The following IQCM variants were observed in gnomAD, a reference collection of about 807,000 sequenced individuals.
IQCM encodes IQ motif containing M.
In IQCM, 45 loss-of-function variants were observed where a neutral mutation model predicts 57.6. The ratio of observed to expected loss-of-function variants is 0.78; its 90% CI spans 0.62 to 1.00. The LOEUF (loss-of-function observed/expected upper bound fraction) is 1.00, where lower values mean the gene tolerates loss of function less well. Among genes scored for constraint, IQCM ranks in the 50% least tolerant of loss-of-function variants. The pLI, the probability that IQCM is intolerant of heterozygous loss-of-function variation, is 0.00. For synonymous variants in IQCM, 148 were observed against 158.9 expected (o/e 0.93, Z 0.51); for missense variants, 468 against 511.6 (o/e 0.91, Z 0.82).
At chr4:149,670,934 T>TTC (rs778405380) in intron 7 of IQCM, among the ~76,000 whole-genome samples, 108 of 135,078 alleles carry the variant, frequency 8.0e-4, no homozygotes, top group Non-Finnish European at 1.5e-3. Context: ...TGGTCTAAAA[T>TTC]TCTCTCTTTT....
chr4:149,632,988 C>T (rs1757403564), intron 7 of IQCM, among the ~76,000 whole-genome samples: 2 of 150,396 alleles, frequency 1.3e-5, no homozygotes, highest in Admixed American at 6.6e-5. Context: ...GGTGAAACCC[C>T]GTCTCTACTA....
At chr4:149,512,976 C>T (rs931344067) in intron 12 of IQCM, among the ~76,000 whole-genome samples, 3 of 152,044 alleles carry the variant, frequency 2.0e-5, no homozygotes, top group African/African-American at 7.2e-5. Context: ...ATATAAATAA[C>T]CAAGCTGTGT....
At chr4:149,390,249 T>C (rs1262183968) in intron 13 of IQCM, among the ~76,000 whole-genome samples, 5 of 152,044 alleles carry the variant, frequency 3.3e-5, no homozygotes, top group Non-Finnish European at 5.9e-5. Context: ...TTAATTTTGT[T>C]GTTTAATTAC....
At chr4:149,578,905 T>A (rs1004902107) in intron 9 of IQCM, among the ~76,000 whole-genome samples, 1 of 151,812 alleles carries the variant, frequency 6.6e-6, no homozygotes, top group African/African-American at 2.4e-5. Context: ...TAACCTGGAT[T>A]AGAGAGAGAT....
At chr4:149,456,039 T>C (rs1737666577) in intron 12 of IQCM, among the ~76,000 whole-genome samples, 1 of 151,976 alleles carries the variant, frequency 6.6e-6, no homozygotes, top group Non-Finnish European at 1.5e-5. Flanking sequence ...GTTAGGTTCA[T>C]GGCTGAGATC....
At chr4:149,704,873 G>A (rs1440302092) in intron 5 of IQCM, among the ~76,000 whole-genome samples, 1 of 151,756 alleles carries the variant, frequency 6.6e-6, no homozygotes, top group Non-Finnish European at 1.5e-5. Flanking sequence ...GTCAAATAAA[G>A]CAAAAAGGCA....
At chr4:149,739,135 G>C (rs1405387466) in intron 3 of IQCM, among the ~76,000 whole-genome samples, 7 of 152,000 alleles carry the variant, frequency 4.6e-5, no homozygotes, top group Admixed American at 1.3e-4. Context: ...TCTTTATTAT[G>C]AAAACTATAC....
chr4:149,422,223 T>C (rs1019061227), intron 13 of IQCM, among the ~76,000 whole-genome samples: 2 of 151,886 alleles, frequency 1.3e-5, no homozygotes, highest in Non-Finnish European at 2.9e-5. Flanking sequence ...CTACTTAATA[T>C]GTGTAGTTGG....
chr4:149,565,312 C>T (rs1475806786), intron 9 of IQCM, among the ~76,000 whole-genome samples: 1 of 151,990 alleles, frequency 6.6e-6, no homozygotes, highest in Non-Finnish European at 1.5e-5. Flanking sequence ...ATTCTTAAGT[C>T]TTGTTCTGTT....
At chr4:149,522,211 C>T (rs1394769560) in intron 12 of IQCM, among the ~76,000 whole-genome samples, 1 of 152,182 alleles carries the variant, frequency 6.6e-6, no homozygotes, top group African/African-American at 2.4e-5. Flanking sequence ...CAGCCAGTCC[C>T]TGCCAATTCA....
intron 2 of IQCM, among the ~76,000 whole-genome samples, chr4:149,810,930 A>G (rs1261536640): frequency 6.6e-6 from 1 of 152,124 alleles, no homozygotes; most frequent in Admixed American, 6.5e-5. Flanking sequence ...ATATCTGCCA[A>G]TTAAACACTC....
intron 2 of IQCM, among the ~76,000 whole-genome samples, chr4:149,789,398 T>G (rs1772368849): frequency 6.6e-6 from 1 of 152,232 alleles, no homozygotes; most frequent in Non-Finnish European, 1.5e-5. Context: ...GTACCCCCAA[T>G]TCCTTCCAGT....
chr4:149,720,990 TC>T (rs1245144781), intron 5 of IQCM, among the ~76,000 whole-genome samples: 2 of 152,212 alleles, frequency 1.3e-5, no homozygotes, highest in African/African-American at 4.8e-5. Flanking sequence ...CTTAAATTCT[TC>T]CGAGTAATTT....
intron 13 of IQCM, among the ~76,000 whole-genome samples, chr4:149,356,249 T>C (rs1234015700): frequency 2.0e-5 from 3 of 152,222 alleles, no homozygotes; most frequent in African/African-American, 7.2e-5. Context: ...TTTAGTTTAA[T>C]TAGATCCCAT....
At chr4:149,527,452 G>A (rs6813728) in intron 12 of IQCM, among the ~76,000 whole-genome samples, 2,043 of 152,290 alleles carry the variant, frequency 0.013, 24 homozygotes, top group Middle Eastern at 0.031. Context: ...TGCCATGTGA[G>A]GATGCAGCAA....
At chr4:149,552,254 A>C (rs1749108233) in intron 11 of IQCM, among the ~76,000 whole-genome samples, 1 of 152,182 alleles carries the variant, frequency 6.6e-6, no homozygotes, top group Non-Finnish European at 1.5e-5. Flanking sequence ...TTTACTGATA[A>C]ATATAACAGA....
intron 10 of IQCM, among the ~76,000 whole-genome samples, chr4:149,561,159 A>C (rs1258111495): frequency 1.3e-5 from 2 of 152,222 alleles, no homozygotes; most frequent in African/African-American, 4.8e-5. Context: ...AATCTACTTT[A>C]TATTGGCTCT....
intron 2 of IQCM, among the ~76,000 whole-genome samples, chr4:149,749,284 C>T (rs1768211836): frequency 6.6e-6 from 1 of 152,144 alleles, no homozygotes; most frequent in Non-Finnish European, 1.5e-5. Flanking sequence ...CAGCTAAAAA[C>T]TAGAAGCAAC....
At chr4:149,723,129 T>C (rs553054509) in intron 5 of IQCM, among the ~76,000 whole-genome samples, 25 of 152,218 alleles carry the variant, frequency 1.6e-4, no homozygotes, top group East Asian at 7.7e-4. Context: ...TTTGTGTATA[T>C]TGTTTTAGTA....
Sources: gnomAD v4.1 joint callset for allele counts (sites outside exome capture counted in the v4.1 genomes callset) on GRCh38, gnomAD v4.1.1 for gene constraint, MANE v1.5 for transcripts, NCBI Gene and HGNC (gene_info 2026-07-23, HGNC 2026-07-21) for gene names.